Variants in GALNT13 observed in about 807,000 individuals in gnomAD.
GALNT13 encodes the protein polypeptide N-acetylgalactosaminyltransferase 13, also known as UDP-GalNAc:polypeptide N-acetylgalactosaminyltransferase 13.
A neutral mutation model predicts 64.2 loss-of-function variants in GALNT13; 28 were observed. That is an observed-to-expected ratio of 0.44 (90% confidence interval 0.32 to 0.60). The LOEUF is 0.60. Ranked by LOEUF, GALNT13 falls within the 20% of genes least tolerant of loss-of-function variation. GALNT13 has a pLI of 0.05. For synonymous variants in GALNT13, 214 were observed against 224.6 expected (o/e 0.95, Z 0.42); for missense variants, 577 against 669.8 (o/e 0.86, Z 1.53).
chr2:153,868,329 G>T (rs1685799571), upstream of GALNT13, among the ~76,000 whole-genome samples: 1 of 152,134 alleles, frequency 6.6e-6, no homozygotes, highest in Non-Finnish European at 1.5e-5. Flanking sequence ...GGTAAGCAGA[G>T]CCCCAGAGTA....
the GALNT13 span, among the ~76,000 whole-genome samples, chr2:153,524,046 AT>A: frequency 6.6e-6 from 1 of 152,044 alleles, no homozygotes; most frequent in South Asian, 2.1e-4. Context: ...TTCTGCATCT[AT>A]TGATAGATTC....
At chr2:153,090,489 A>C in the GALNT13 span, among the ~76,000 whole-genome samples, 2 of 152,198 alleles carry the variant, frequency 1.3e-5, no homozygotes, top group East Asian at 3.9e-4. Context: ...AGGATGTTGC[A>C]GGCAGTGGAA....
upstream of GALNT13, among the ~76,000 whole-genome samples, chr2:153,870,028 C>CAT (rs1201552776): frequency 2.6e-5 from 4 of 151,912 alleles, no homozygotes; most frequent in African/African-American, 9.7e-5. Flanking sequence ...ACCCTCAAGA[C>CAT]TAATAAGTAT....
At chr2:153,474,271 C>A in the GALNT13 span, among the ~76,000 whole-genome samples, 26,037 of 152,180 alleles carry the variant, frequency 0.17, 2,381 homozygotes, top group South Asian at 0.33. Flanking sequence ...TTTAGAACCC[C>A]TCTTCCTTAT....
chr2:153,511,820 G>A, the GALNT13 span, among the ~76,000 whole-genome samples: 1 of 152,168 alleles, frequency 6.6e-6, no homozygotes, highest in Non-Finnish European at 1.5e-5. Context: ...ACATTGGTAA[G>A]AGAAAATTAA....
the GALNT13 span, among the ~76,000 whole-genome samples, chr2:153,489,636 C>T: frequency 2.0e-5 from 3 of 152,084 alleles, no homozygotes; most frequent in South Asian, 4.2e-4. Flanking sequence ...TAATCCCCAA[C>T]CTATGTTTCG....
At chr2:153,710,224 A>G in the GALNT13 span, among the ~76,000 whole-genome samples, 2 of 152,100 alleles carry the variant, frequency 1.3e-5, no homozygotes, top group East Asian at 3.8e-4. Context: ...AAATCAACAC[A>G]TAACTTCGTA....
At chr2:153,796,945 G>A in the GALNT13 span, among the ~76,000 whole-genome samples, 1 of 152,120 alleles carries the variant, frequency 6.6e-6, no homozygotes, top group Non-Finnish European at 1.5e-5. Context: ...TCTCCCACGT[G>A]TTTGATGCAA....
the GALNT13 span, among the ~76,000 whole-genome samples, chr2:153,163,062 G>A: frequency 6.6e-6 from 1 of 152,094 alleles, no homozygotes; most frequent in African/African-American, 2.4e-5. Context: ...AACATAAAAT[G>A]TCTTACCAGT....
At chr2:153,589,910 C>A in the GALNT13 span, among the ~76,000 whole-genome samples, 1 of 151,936 alleles carries the variant, frequency 6.6e-6, no homozygotes, top group Non-Finnish European at 1.5e-5. Flanking sequence ...AGGCCTTCAT[C>A]AAAAAGCAGA....
the GALNT13 span, among the ~76,000 whole-genome samples, chr2:153,633,539 T>C: frequency 0.19 from 29,623 of 152,162 alleles, 3,069 homozygotes; most frequent in African/African-American, 0.25. Context: ...CATCACCTCT[T>C]CCAAGAAATG....
At chr2:154,036,019 T>G (rs1246472777) in intron 3 of GALNT13, among the ~76,000 whole-genome samples, 2 of 152,062 alleles carry the variant, frequency 1.3e-5, no homozygotes, top group Non-Finnish European at 1.5e-5. Flanking sequence ...GCTTTAGTAT[T>G]TTTAACTTGT....
At chr2:154,265,287 A>G (rs1690930629) in intron 8 of GALNT13, among the ~76,000 whole-genome samples, 1 of 152,018 alleles carries the variant, frequency 6.6e-6, no homozygotes, top group South Asian at 2.1e-4. Flanking sequence ...CTAGTAAATA[A>G]ATGAAATTTA....
chr2:153,095,837 T>C, the GALNT13 span, among the ~76,000 whole-genome samples: 1 of 151,266 alleles, frequency 6.6e-6, no homozygotes, highest in Non-Finnish European at 1.5e-5. Flanking sequence ...AATTGAACAA[T>C]GAAACACTTG....
At chr2:154,150,007 G>A (rs1163557997) in intron 4 of GALNT13, among the ~76,000 whole-genome samples, 6 of 152,114 alleles carry the variant, frequency 3.9e-5, no homozygotes, top group Admixed American at 6.5e-5. Flanking sequence ...TCTTGTGCCC[G>A]TTTTCAAAGG....
At chr2:153,305,007 T>C in the GALNT13 span, among the ~76,000 whole-genome samples, 2 of 152,194 alleles carry the variant, frequency 1.3e-5, no homozygotes, top group African/African-American at 2.4e-5. Flanking sequence ...TAATCACATT[T>C]ACAGTTTTGG....
At chr2:153,928,184 A>G (rs954138560) in intron 2 of GALNT13, among the ~76,000 whole-genome samples, 4 of 151,988 alleles carry the variant, frequency 2.6e-5, no homozygotes, top group Admixed American at 6.6e-5. Flanking sequence ...ATTCCTCATT[A>G]TTTTTCTACA....
chr2:154,096,930 A>T (rs1023828353), intron 3 of GALNT13, among the ~76,000 whole-genome samples: 20 of 152,032 alleles, frequency 1.3e-4, no homozygotes, highest in African/African-American at 4.8e-4. Context: ...AGCCAATATG[A>T]CACAGGGTAT....
In GALNT13 at chr2:154,138,306, A is replaced by T. The variant is rs184701418; in HGVS notation, c.143-2031A>T. On this transcript the variant is annotated intron_variant, in intron 3 of 12. Transcript: ENST00000392825. ...ACATTTGTATGCTCTTTTCCTATTA[A>T]TCTGTATTATGCCAGTTTAATTCTT... 2.0e-4 allele frequency among the ~76,000 whole-genome samples: 30 copies of T among 152,132 alleles called. No homozygotes were observed. In the East Asian group the frequency reaches 5.6e-3, roughly 28 times the overall value.
Sources: gnomAD v4.1 joint callset for allele counts (sites outside exome capture counted in the v4.1 genomes callset) on GRCh38, gnomAD v4.1.1 for gene constraint, MANE v1.5 for transcripts, NCBI Gene and HGNC (gene_info 2026-07-23, HGNC 2026-07-21) for gene names.